The following NGFR variants were observed in gnomAD, a reference collection of about 807,000 sequenced individuals.
NGFR encodes the protein tumor necrosis factor receptor superfamily member 16.
A neutral mutation model predicts 43.2 loss-of-function variants in NGFR; 30 were observed. The ratio of observed to expected loss-of-function variants is 0.69; its 90% CI spans 0.52 to 0.94. The LOEUF (loss-of-function observed/expected upper bound fraction) is 0.94, where lower values mean the gene tolerates loss of function less well. Among genes scored for constraint, NGFR ranks in the 40% least tolerant of loss-of-function variants. NGFR has a pLI of 0.00. For synonymous variants in NGFR, 246 were observed against 259.6 expected (o/e 0.95, Z 0.50); for missense variants, 529 against 602.5 (o/e 0.88, Z 1.28).
chr17:49,509,240 G>A (rs1472188510), intron 3 of NGFR, among the ~76,000 whole-genome samples: 2 of 152,328 alleles, frequency 1.3e-5, no homozygotes, highest in East Asian at 1.9e-4. Context: ...GAGTGGAAGA[G>A]GCCAGAAGAT....
rs905719996 is a variant in NGFR at position 49,495,378 on chromosome 17, G to T, written c.-40G>T. 1.6e-6 allele frequency: 2 copies of T among 1,227,288 alleles called. No homozygotes were observed. Among genetic ancestry groups the T allele is most frequent in the African/African-American group, 3.1e-5 (2 of 64,322 alleles). 76.0% of individuals were successfully genotyped at this position (1,227,288 alleles called of 1,614,324 possible). On this transcript the variant is annotated 5_prime_UTR_variant, in exon 1 of 6. Transcript: ENST00000172229. This position sits in a 1 kb window ranked among gnomAD's most constrained non-coding sequence, Gnocchi z 6.4. Reference sequence around the variant, plus strand: ...CGCAGCCCCATCAGTCCGCAAAGCGGACCGAGCTGGAAGTCGAGCGCTGCC... The same window carrying T: ...CGCAGCCCCATCAGTCCGCAAAGCGTACCGAGCTGGAAGTCGAGCGCTGCC...
chr17:49,510,389 A>C lies in NGFR; in HGVS notation c.569-23A>C, dbSNP rs114392065. The C allele has an allele frequency of 1.5e-4, 239 of 1,608,828 alleles. 2 individuals are homozygous for C. The African/African-American group carries it at 2.9e-3, about 19-fold the overall frequency. Reference sequence around the variant, plus strand: ...GGAGGAGTGGGGGAAGTGGGTCCTCACTCCTGTGGCCTTTTCTCCCAGAGA... The same window carrying C: ...GGAGGAGTGGGGGAAGTGGGTCCTCCCTCCTGTGGCCTTTTCTCCCAGAGA... On this transcript the variant is annotated intron_variant, in intron 3 of 5. Coordinates refer to ENST00000172229, the MANE Select transcript of NGFR (RefSeq NM_002507.4).
intron 2 of NGFR, chr17:49,506,058 C>T (rs2071194466): frequency 7.5e-6 from 5 of 666,892 alleles, no homozygotes; most frequent in East Asian, 3.1e-5. Flanking sequence ...GCCTCCCGGC[C>T]GGCCAGTGCT....
intron 2 of NGFR, 62 bp from the exon 3 acceptor site, chr17:49,506,237 A>G (rs964632100): frequency 6.6e-7 from 1 of 1,505,622 alleles, no homozygotes; most frequent in Admixed American, 2.1e-5. Flanking sequence ...GAGAGACTCC[A>G]GCTCCTGCGT....
chr17:49,496,942 C>G (rs2071141947), intron 1 of NGFR: 1 of 152,314 alleles, frequency 6.6e-6, no homozygotes, highest in Non-Finnish European at 1.5e-5. Flanking sequence ...CGTCTTCACT[C>G]TCCCCGCCAG....
chr17:49,502,890 A>G (rs143786606), intron 2 of NGFR, among the ~76,000 whole-genome samples: 1,716 of 108,372 alleles, frequency 0.016, 11 homozygotes, highest in South Asian at 0.037. Context: ...CTCTTTCTTT[A>G]CCTTTCTTTC....
chr17:49,500,243 G>C (rs1045808624), intron 1 of NGFR, among the ~76,000 whole-genome samples: 4 of 152,184 alleles, frequency 2.6e-5, no homozygotes, highest in Non-Finnish European at 5.9e-5. Flanking sequence ...ATGGTGAAAA[G>C]CAAAAATGAT....
intron 2 of NGFR, 35 bp from the exon 3 acceptor site, chr17:49,506,264 A>G (rs781215162): frequency 2.6e-6 from 4 of 1,516,510 alleles, no homozygotes; most frequent in Non-Finnish European, 3.5e-6. Flanking sequence ...TGCCCAAAAG[A>G]GCAGACGACT....
Position 49,512,195 on chromosome 17 carries a change from C to G in NGFR, c.982+143C>G. The G allele has an allele frequency of 9.5e-7, 1 of 1,057,872 alleles. No individual in the cohort carries two copies. Among genetic ancestry groups the G allele is most frequent in the Non-Finnish European group, 1.3e-6 (1 of 757,542 alleles). The allele number at this position is 1,057,872 out of a possible 1,614,324, so 65.5% of individuals were successfully genotyped here. A position where few individuals can be genotyped will look rare whatever the true frequency, so the allele number is the denominator to read the frequency against. ...CCTGTAGATGGATGGAGAGGCTGGCCGAGGGGAATGGGAGGGAGAGGTCCT... is the reference window on the plus strand; with the variant it reads ...CCTGTAGATGGATGGAGAGGCTGGCGGAGGGGAATGGGAGGGAGAGGTCCT... On this transcript the variant is annotated intron_variant, in intron 5 of 5. Transcript: ENST00000172229. This position sits in a 1 kb window ranked among gnomAD's most constrained non-coding sequence, Gnocchi z 5.2.
At chr17:49,511,521 T>G (rs1429459461) in intron 4 of NGFR, among the ~76,000 whole-genome samples, 2 of 145,038 alleles carry the variant, frequency 1.4e-5, no homozygotes, top group Non-Finnish European at 3.0e-5. Flanking sequence ...GGACATTTGT[T>G]TTTTTTTTTT....
Position 49,499,195 on chromosome 17 carries a change from GAA to G in NGFR, c.67-2867_67-2866del, listed in dbSNP as rs141725691. ...CCTACTCCAAATGCAGTTTTTAAGA[GAA>G]GAGAGAGGACCTCAGGCTGCAGCAG... On this transcript the variant is annotated intron_variant, in intron 1 of 5. Coordinates refer to ENST00000172229, the MANE Select transcript of NGFR (RefSeq NM_002507.4). Among the ~76,000 whole-genome samples the G allele has an allele frequency of 6.7e-3, 1,023 of 152,290 alleles. 10 individuals are homozygous for G. Among genetic ancestry groups the G allele is most frequent in the African/African-American group, 0.023 (953 of 41,550 alleles).
chr17:49,495,435 C>A lies in NGFR; in HGVS notation c.18C>A (p.Thr6=). The A allele has an allele frequency of 8.1e-7, 1 of 1,235,868 alleles. No homozygotes were observed. Among genetic ancestry groups the A allele is most frequent in the South Asian group, 4.1e-5 (1 of 24,502 alleles). The allele number at this position is 1,235,868 out of a possible 1,614,324, so 76.6% of individuals were successfully genotyped here. A position where few individuals can be genotyped will look rare whatever the true frequency, so the allele number is the denominator to read the frequency against. Reference sequence around the variant, plus strand: ...GGCGGGCGATGGGGGCAGGTGCCACCGGCCGCGCCATGGACGGGCCGCGCC... The same window carrying A: ...GGCGGGCGATGGGGGCAGGTGCCACAGGCCGCGCCATGGACGGGCCGCGCC... MGAGA[T]GRAMDGPRLL... Residue 6 remains threonine (T), a synonymous_variant, in exon 1 of 6, where the codon ACC becomes ACA. Transcript: ENST00000172229. This position sits in a 1 kb window ranked among gnomAD's most constrained non-coding sequence, Gnocchi z 6.4.
In NGFR at chr17:49,502,171, G is replaced by C. The variant is rs750273145; in HGVS notation, c.175G>C (p.Ala59Pro). The C allele has an allele frequency of 6.2e-7, 1 of 1,611,422 alleles. No homozygotes were observed. Among genetic ancestry groups the C allele is most frequent in the Non-Finnish European group, 8.5e-7 (1 of 1,178,724 alleles). ...LGEGVAQPCG[A>P]NQTVCEPCLD... is the part of the protein sequence containing the mutation. ...CGAGGGTGTGGCCCAGCCTTGTGGAGCCAACCAGACCGTGTGTGAGCCCTG... is the reference window on the plus strand; with the variant it reads ...CGAGGGTGTGGCCCAGCCTTGTGGACCCAACCAGACCGTGTGTGAGCCCTG... The change falls in exon 2 of 6, where the codon GCC becomes CCC. Residue 59 changes from alanine (A) to proline (P), a missense_variant. Coordinates refer to ENST00000172229, the MANE Select transcript of NGFR (RefSeq NM_002507.4).
At chr17:49,504,428 C>T (rs754698748) in intron 2 of NGFR, among the ~76,000 whole-genome samples, 2 of 152,198 alleles carry the variant, frequency 1.3e-5, no homozygotes, top group Non-Finnish European at 2.9e-5. Context: ...GTTCAATGTC[C>T]TCATCGCTCT....
chr17:49,510,709 T>C, intron 4 of NGFR, 45 bp downstream of exon 4: 2 of 1,601,364 alleles, frequency 1.2e-6, no homozygotes, highest in South Asian at 1.1e-5. Flanking sequence ...ATGTTTGCCC[T>C]CAAGGAAGAC....
intron 3 of NGFR, 27 bp downstream of exon 3, chr17:49,506,685 A>AGGGGGGGGGGG: frequency 7.9e-6 from 1 of 126,122 alleles, no homozygotes; most frequent in South Asian, 3.5e-4. Context: ...GGGCGGGGGG[A>AGGGGGGGGGGG]GTGGGGGTGC....
At position 49,506,425 on chromosome 17, in the gene NGFR, G is replaced by T; in HGVS notation, c.335G>T (p.Gly112Val). 1 of 1,606,684 alleles carries T rather than the reference G, an allele frequency of 6.2e-7. No homozygotes were observed. Among genetic ancestry groups the T allele is most frequent in the Non-Finnish European group, 8.5e-7 (1 of 1,178,718 alleles). The part of the protein sequence containing the change: ...ADDAVCRCAY[G>V]YYQDETTGRC... The stretch of plus-strand genomic sequence containing the variant: ...GACGCCGTGTGCCGCTGCGCCTACG[G>T]CTACTACCAGGATGAGACGACTGGG... Residue 112 changes from glycine (G) to valine (V), a missense_variant, in exon 3 of 6, where the codon GGC (glycine) becomes GTC (valine). Transcript: ENST00000172229.
In NGFR at chr17:49,506,528, C is replaced by T; in HGVS notation, c.438C>T (p.Cys146=). The T allele has an allele frequency of 6.2e-7, 1 of 1,611,762 alleles. No individual in the cohort carries two copies. Among genetic ancestry groups the T allele is most frequent in the Non-Finnish European group, 8.5e-7 (1 of 1,179,582 alleles). ...GCCAGGACAAGCAGAACACCGTGTGCGAGGAGTGCCCCGACGGCACGTATT... is the reference window on the plus strand; with the variant it reads ...GCCAGGACAAGCAGAACACCGTGTGTGAGGAGTGCCCCGACGGCACGTATT... ...FSCQDKQNTV[C]EECPDGTYSD... The change falls in exon 3 of 6, where the codon TGC becomes TGT. Residue 146 remains cysteine, a synonymous_variant. Coordinates refer to ENST00000172229, the MANE Select transcript of NGFR (RefSeq NM_002507.4).
At chr17:49,506,743 A>T in intron 3 of NGFR, 85 bp downstream of exon 3, 1 of 1,328,292 alleles carries the variant, frequency 7.5e-7, no homozygotes, top group Non-Finnish European at 1.0e-6. Flanking sequence ...GAGGTCGACA[A>T]GGACCCTGCC....
Sources: gnomAD v4.1 joint callset for allele counts (sites outside exome capture counted in the v4.1 genomes callset) on GRCh38, gnomAD v4.1.1 for gene constraint, Gnocchi (gnomAD v3.1) non-coding constraint, MANE v1.5 for transcripts, NCBI Gene and HGNC (gene_info 2026-07-23, HGNC 2026-07-21) for gene names.